NRG3: variants seen among roughly 807,000 people sequenced by gnomAD.
NRG3 encodes neuregulin 3, also known as pro-neuregulin-3, membrane-bound isoform.
In NRG3, 31 loss-of-function variants were observed where a neutral mutation model predicts 66.9. The ratio of observed to expected loss-of-function variants is 0.46; its 90% confidence interval spans 0.35 to 0.63. The LOEUF (loss-of-function observed/expected upper bound fraction) is 0.63. Ranked by LOEUF, NRG3 falls within the 20% of genes least tolerant of loss-of-function variation. NRG3 has a pLI of 0.00. For missense variants in NRG3, 910 were observed against 878.9 expected (o/e 1.04, Z -0.45); for synonymous variants, 393 against 359.4 (o/e 1.09, Z -1.06).
At chr10:82,248,875 C>A (rs779587796) in intron 1 of NRG3, among the ~76,000 whole-genome samples, 1 of 152,086 alleles carries the variant, frequency 6.6e-6, no homozygotes, top group South Asian at 2.1e-4. Flanking sequence ...CCTCAATAGT[C>A]CTGGTTTGTG....
intron 3 of NRG3, among the ~76,000 whole-genome samples, chr10:82,777,359 T>C (rs909007223): frequency 1.2e-4 from 18 of 152,150 alleles, no homozygotes; most frequent in African/African-American, 4.1e-4. Context: ...GCTGTCTGGT[T>C]TGACATGTCC....
intron 1 of NRG3, among the ~76,000 whole-genome samples, chr10:82,099,843 T>G (rs2066613345): frequency 6.6e-6 from 1 of 151,316 alleles, no homozygotes; most frequent in African/African-American, 2.4e-5. Context: ...ACTTAGCTGG[T>G]CCCAGTGCCA....
At chr10:82,213,630 C>T (rs1228943923) in intron 1 of NRG3, among the ~76,000 whole-genome samples, 2 of 152,102 alleles carry the variant, frequency 1.3e-5, no homozygotes, top group African/African-American at 4.8e-5. Flanking sequence ...CTATAATATA[C>T]TATAAAATAT....
At chr10:82,649,279 A>G (rs79462314) in intron 2 of NRG3, among the ~76,000 whole-genome samples, 16,146 of 152,130 alleles carry the variant, frequency 0.11, 967 homozygotes, top group East Asian at 0.23. Context: ...ACAGTCCTTG[A>G]GAAGACAGTT....
At chr10:82,428,297 T>G (rs920693106) in intron 2 of NRG3, among the ~76,000 whole-genome samples, 1 of 152,000 alleles carries the variant, frequency 6.6e-6, no homozygotes, top group Non-Finnish European at 1.5e-5. Context: ...TTGAGATATT[T>G]CTTCTTTTTT....
At chr10:82,271,787 A>G (rs2078610261) in intron 1 of NRG3, among the ~76,000 whole-genome samples, 1 of 152,108 alleles carries the variant, frequency 6.6e-6, no homozygotes, top group South Asian at 2.1e-4. Context: ...ATACCTTTCT[A>G]AGGAAGTTTA....
chr10:82,886,187 A>G (rs1842711876), intron 4 of NRG3, among the ~76,000 whole-genome samples: 1 of 152,212 alleles, frequency 6.6e-6, no homozygotes, highest in Admixed American at 6.5e-5. Flanking sequence ...TTTTCACGAA[A>G]TAAAGATAAT....
In NRG3 at chr10:81,877,969, T is replaced by A. The variant is rs373916096; in HGVS notation, c.823+1806T>A. 1.8e-5 allele frequency: 28 copies of A among 1,537,670 alleles called. 1 individual carries two copies. In the Admixed American group the frequency reaches 5.1e-4, roughly 28 times the overall value. ...ATGCAGTTGATAGAATAATGGAGTGTGGTATACCTCCAACCCTTGTATGCG... is the reference window on the plus strand; with the variant it reads ...ATGCAGTTGATAGAATAATGGAGTGAGGTATACCTCCAACCCTTGTATGCG... On this transcript the variant is annotated intron_variant, in intron 1 of 8. Transcript: ENST00000372141.
intron 2 of NRG3, among the ~76,000 whole-genome samples, chr10:82,596,513 C>G (rs1241613911): frequency 1.3e-5 from 2 of 152,012 alleles, no homozygotes; most frequent in Non-Finnish European, 2.9e-5. Context: ...TCATTTTGGT[C>G]AGGAAGAGTC....
intron 4 of NRG3, among the ~76,000 whole-genome samples, chr10:82,932,646 C>T (rs746104707): frequency 6.6e-6 from 1 of 152,198 alleles, no homozygotes; most frequent in Admixed American, 6.5e-5. Flanking sequence ...GACTGCTTCT[C>T]TCCTGCAAGC....
At chr10:81,900,281 CGGG>C (rs1367538614) in intron 1 of NRG3, among the ~76,000 whole-genome samples, 1 of 56,032 alleles carries the variant, frequency 1.8e-5, no homozygotes, top group Non-Finnish European at 2.5e-5. Context: ...AAGTGCCTAG[CGGG>C]ATTACAGGCA....
At chr10:82,877,537 CTTTTTTTTTTT>C (rs61471998) in intron 4 of NRG3, among the ~76,000 whole-genome samples, 1 of 74,942 alleles carries the variant, frequency 1.3e-5, no homozygotes, top group African/African-American at 5.8e-5. Flanking sequence ...CCACACCCGG[CTTTTTTTTTTT>C]TTTTTTTTTT....
intron 1 of NRG3, among the ~76,000 whole-genome samples, chr10:82,349,444 T>G (rs929146115): frequency 3.3e-5 from 5 of 150,960 alleles, no homozygotes; most frequent in Admixed American, 6.6e-5. Flanking sequence ...AGCTGCGTAC[T>G]GGGAGAACCA....
intron 1 of NRG3, among the ~76,000 whole-genome samples, chr10:82,195,114 T>G (rs1207842571): frequency 2.0e-5 from 3 of 152,272 alleles, no homozygotes; most frequent in Non-Finnish European, 2.9e-5. Flanking sequence ...TGTGTTGGCA[T>G]GAGTGTTGGC....
intron 1 of NRG3, among the ~76,000 whole-genome samples, chr10:82,256,551 CTG>C: frequency 6.6e-6 from 1 of 152,180 alleles, no homozygotes; most frequent in East Asian, 1.9e-4. Flanking sequence ...TTCTCTACCT[CTG>C]TGTTTGCTCA....
chr10:82,886,973 T>C (rs970433553), intron 4 of NRG3, among the ~76,000 whole-genome samples: 1 of 152,302 alleles, frequency 6.6e-6, no homozygotes, highest in Admixed American at 6.5e-5. Context: ...TGTAAAATCG[T>C]TCTAATTAGC....
intron 1 of NRG3, among the ~76,000 whole-genome samples, chr10:82,347,771 T>C (rs965201517): frequency 1.3e-5 from 2 of 152,330 alleles, no homozygotes; most frequent in Non-Finnish European, 2.9e-5. Flanking sequence ...TGCATATATA[T>C]TTAGGATAGT....
At chr10:82,031,078 C>T (rs1719116549) in intron 1 of NRG3, among the ~76,000 whole-genome samples, 1 of 152,088 alleles carries the variant, frequency 6.6e-6, no homozygotes, top group African/African-American at 2.4e-5. Context: ...AAGCATTTTC[C>T]CAGCCACATT....
intron 3 of NRG3, among the ~76,000 whole-genome samples, chr10:82,764,003 T>C (rs1443435689): frequency 1.3e-5 from 2 of 152,232 alleles, no homozygotes; most frequent in African/African-American, 4.8e-5. Context: ...AAATTTTTAA[T>C]TGCATACATG....
Sources: gnomAD v4.1 joint callset for allele counts (sites outside exome capture counted in the v4.1 genomes callset) on GRCh38, gnomAD v4.1.1 for gene constraint, MANE v1.5 for transcripts, NCBI Gene and HGNC (gene_info 2026-07-23, HGNC 2026-07-21) for gene names.